Variants in RBMS3 observed in about 807,000 individuals in gnomAD.
The protein encoded by RBMS3 is RNA-binding motif, single-stranded-interacting protein 3.
Under a neutral mutation model 66.8 loss-of-function variants are expected in RBMS3, and 27 were observed. The ratio of observed to expected loss-of-function variants is 0.40; its 90% CI spans 0.30 to 0.56. The LOEUF (loss-of-function observed/expected upper bound fraction) is 0.56. RBMS3 is among the 20% of genes least tolerant of loss of function. RBMS3 has a pLI of 0.40. For synonymous variants in RBMS3, 188 were observed against 183.0 expected (o/e 1.03, Z -0.22); for missense variants, 513 against 549.5 (o/e 0.93, Z 0.66).
chr3:29,654,575 T>C (rs1247868507), intron 4 of RBMS3, among the ~76,000 whole-genome samples: 1 of 121,880 alleles, frequency 8.2e-6, no homozygotes, highest in Non-Finnish European at 1.7e-5. Context: ...TGTGTGTGTA[T>C]TGGGCATGTA....
chr3:29,474,307 C>A (rs757189947), intron 2 of RBMS3, among the ~76,000 whole-genome samples: 1 of 152,146 alleles, frequency 6.6e-6, no homozygotes, highest in African/African-American at 2.4e-5. Context: ...TTGAATAAAC[C>A]TAATATATTT....
At chr3:29,625,925 C>T (rs1362363454) in intron 4 of RBMS3, among the ~76,000 whole-genome samples, 1 of 151,970 alleles carries the variant, frequency 6.6e-6, no homozygotes, top group Non-Finnish European at 1.5e-5. Flanking sequence ...TATAAGAAGA[C>T]GGCCATCCTG....
chr3:30,006,561 A>G lies in RBMS3; in HGVS notation c.*2699A>G, dbSNP rs1369308091. 1 of 151,882 alleles carries G rather than the reference A, an allele frequency of 6.6e-6. No individual in the cohort carries two copies. Among genetic ancestry groups the G allele is most frequent in the African/African-American group, 2.4e-5 (1 of 41,394 alleles). 9.4% of individuals were successfully genotyped at this position (151,882 alleles called of 1,614,324 possible). On this transcript the variant is annotated 3_prime_UTR_variant, in exon 15 of 15. Transcript: ENST00000383767. Reference sequence around the variant, plus strand: ...TTATAAAGGTGGCACTTAAGTTTTTATCTTTGAAAAGTGGGCCCCAAAGTT... The same window carrying G: ...TTATAAAGGTGGCACTTAAGTTTTTGTCTTTGAAAAGTGGGCCCCAAAGTT...
intron 2 of RBMS3, among the ~76,000 whole-genome samples, chr3:29,472,764 T>C (rs907132650): frequency 5.3e-5 from 8 of 152,040 alleles, no homozygotes; most frequent in Admixed American, 5.2e-4. Flanking sequence ...GTGTTACAGC[T>C]CATAAAGGCA....
At chr3:29,996,824 T>TA (rs1699273842) in intron 14 of RBMS3, among the ~76,000 whole-genome samples, 1 of 152,014 alleles carries the variant, frequency 6.6e-6, no homozygotes, top group African/African-American at 2.4e-5. Flanking sequence ...AGGAAAGATC[T>TA]AAAATTGACA....
intron 12 of RBMS3, among the ~76,000 whole-genome samples, chr3:29,961,765 C>T (rs981407872): frequency 6.6e-6 from 1 of 151,592 alleles, no homozygotes; most frequent in Admixed American, 6.6e-5. Flanking sequence ...GAGGTAGCTG[C>T]CCCCATGATT....
chr3:29,528,335 ACT>A (rs1199703234), intron 3 of RBMS3, among the ~76,000 whole-genome samples: 4 of 151,694 alleles, frequency 2.6e-5, no homozygotes, highest in Admixed American at 6.6e-5. Context: ...CTGGTCTCAA[ACT>A]CCTGACCTCA....
intron 3 of RBMS3, among the ~76,000 whole-genome samples, chr3:29,508,790 T>C (rs751024481): frequency 3.3e-5 from 5 of 150,178 alleles, no homozygotes; most frequent in Admixed American, 1.3e-4. Flanking sequence ...CTTCCACAAT[T>C]GTTGAACTAA....
chr3:29,702,617 A>G (rs955961454), intron 4 of RBMS3, among the ~76,000 whole-genome samples: 4 of 152,206 alleles, frequency 2.6e-5, no homozygotes, highest in African/African-American at 9.7e-5. Flanking sequence ...TCCTGAGGCC[A>G]GCGAGACCAC....
intron 1 of RBMS3, among the ~76,000 whole-genome samples, chr3:29,412,321 C>T (rs567797176): frequency 4.6e-5 from 7 of 152,258 alleles, no homozygotes; most frequent in African/African-American, 9.6e-5. Context: ...GTGGTTTTGT[C>T]TGTAAGCAGT....
At chr3:29,602,820 T>C (rs2048193108) in intron 4 of RBMS3, among the ~76,000 whole-genome samples, 1 of 152,018 alleles carries the variant, frequency 6.6e-6, no homozygotes, top group Non-Finnish European at 1.5e-5. Flanking sequence ...GATTATAACC[T>C]ATTGCTTGCA....
intron 4 of RBMS3, among the ~76,000 whole-genome samples, chr3:29,629,627 T>C (rs1449431558): frequency 6.6e-6 from 1 of 152,116 alleles, no homozygotes; most frequent in African/African-American, 2.4e-5. Flanking sequence ...AACTCATCCA[T>C]AGTTGTCTTG....
chr3:29,927,871 A>G (rs539275283), intron 10 of RBMS3, among the ~76,000 whole-genome samples: 1 of 152,290 alleles, frequency 6.6e-6, no homozygotes, highest in South Asian at 2.1e-4. Context: ...CAGAGTAGAA[A>G]GCACATGCTC....
At chr3:29,578,385 C>T (rs1224353542) in intron 3 of RBMS3, among the ~76,000 whole-genome samples, 5 of 152,202 alleles carry the variant, frequency 3.3e-5, no homozygotes, top group Middle Eastern at 3.4e-3. Flanking sequence ...ATTTTTAAAA[C>T]TCTAATACTT....
chr3:29,690,340 C>G (rs905955896), intron 4 of RBMS3, among the ~76,000 whole-genome samples: 4 of 151,528 alleles, frequency 2.6e-5, no homozygotes, highest in Admixed American at 1.3e-4. Context: ...GTCCCAGGTA[C>G]TTGGGAAGTT....
intron 1 of RBMS3, among the ~76,000 whole-genome samples, chr3:29,366,438 G>A (rs2037907733): frequency 1.3e-5 from 2 of 152,264 alleles, no homozygotes; most frequent in East Asian, 1.9e-4. Context: ...CTAGACTAGA[G>A]CACAGTGGTG....
intron 6 of RBMS3, among the ~76,000 whole-genome samples, chr3:29,809,138 G>T (rs1414123618): frequency 6.6e-6 from 1 of 151,764 alleles, no homozygotes; most frequent in Non-Finnish European, 1.5e-5. Context: ...AATCACAAAA[G>T]ATTGTTGTGA....
intron 14 of RBMS3, among the ~76,000 whole-genome samples, chr3:29,994,908 A>G (rs1251335691): frequency 6.6e-6 from 1 of 152,250 alleles, no homozygotes; most frequent in Non-Finnish European, 1.5e-5. Context: ...CAGCAACGGA[A>G]CAAAGCTGGA....
At chr3:29,492,085 A>G (rs1306069885) in intron 3 of RBMS3, among the ~76,000 whole-genome samples, 2 of 152,138 alleles carry the variant, frequency 1.3e-5, no homozygotes, top group Admixed American at 6.5e-5. Context: ...TTATATGCTT[A>G]TAAAAGCCTC....
Sources: gnomAD v4.1 joint callset for allele counts (sites outside exome capture counted in the v4.1 genomes callset) on GRCh38, gnomAD v4.1.1 for gene constraint, MANE v1.5 for transcripts, NCBI Gene and HGNC (gene_info 2026-07-23, HGNC 2026-07-21) for gene names.